The following CEP63 variants were observed in gnomAD, a reference collection of about 807,000 sequenced individuals.
CEP63 encodes the protein centrosomal protein 63, also known as centrosomal protein of 63 kDa.
Under a neutral mutation model 89.1 loss-of-function variants are expected in CEP63, and 84 were observed. The ratio of observed to expected loss-of-function variants is 0.94; its 90% CI spans 0.79 to 1.13. The LOEUF is 1.13. Ranked by LOEUF, CEP63 falls within the 50% of genes most tolerant of loss-of-function variation. The pLI is 0.00. For missense variants in CEP63, 838 were observed against 813.3 expected (o/e 1.03, Z -0.37); for synonymous variants, 267 against 272.5 (o/e 0.98, Z 0.20).
the CEP63 span, among the ~76,000 whole-genome samples, chr3:134,660,322 A>AAGG: frequency 6.6e-6 from 1 of 152,214 alleles, no homozygotes; most frequent in African/African-American, 2.4e-5. Flanking sequence ...GGGCTTTGAA[A>AAGG]AGGACTAAAT....
the CEP63 span, among the ~76,000 whole-genome samples, chr3:134,771,313 A>G: frequency 2.0e-5 from 3 of 152,242 alleles, no homozygotes; most frequent in African/African-American, 7.2e-5. Context: ...TTGCAGGGAC[A>G]TGGATGAAGC....
At chr3:134,576,992 G>C (rs530261303), downstream of CEP63, among the ~76,000 whole-genome samples, 3 of 152,260 alleles carry the variant, frequency 2.0e-5, no homozygotes, top group South Asian at 6.2e-4. Flanking sequence ...AGGCCAAACA[G>C]TAAAGTTTGT....
At chr3:134,603,444 G>A in the CEP63 span, 1 of 747,098 alleles carries the variant, frequency 1.3e-6, no homozygotes, top group Non-Finnish European at 2.2e-6. Context: ...TGGCAGAGGT[G>A]GGACACTGAG....
the CEP63 span, among the ~76,000 whole-genome samples, chr3:134,711,399 T>C: frequency 6.6e-6 from 1 of 152,204 alleles, no homozygotes; most frequent in East Asian, 1.9e-4. Context: ...CCTCTATGTT[T>C]CCTGGTTTCC....
intron 3 of CEP63, among the ~76,000 whole-genome samples, chr3:134,519,151 T>C (rs904435660): frequency 7.9e-5 from 12 of 151,640 alleles, no homozygotes; most frequent in Non-Finnish European, 1.6e-4. Context: ...TGAGATGGAG[T>C]CTCACTCTGT....
At chr3:134,577,461 G>C (rs1385754293), downstream of CEP63, among the ~76,000 whole-genome samples, 1 of 86,106 alleles carries the variant, frequency 1.2e-5, no homozygotes, top group Admixed American at 2.0e-4. Context: ...TTTTGAGATG[G>C]AGTCTGGCTG....
At chr3:134,645,369 C>G in the CEP63 span, among the ~76,000 whole-genome samples, 1 of 152,184 alleles carries the variant, frequency 6.6e-6, no homozygotes. Context: ...TGGATCCACC[C>G]CATGCTCAGC....
At chr3:134,657,549 C>A in the CEP63 span, among the ~76,000 whole-genome samples, 1 of 152,092 alleles carries the variant, frequency 6.6e-6, no homozygotes, top group African/African-American at 2.4e-5. Flanking sequence ...TTTATACTGA[C>A]GTGCCACAAT....
the CEP63 span, among the ~76,000 whole-genome samples, chr3:134,673,713 C>T: frequency 6.6e-6 from 1 of 152,148 alleles, no homozygotes; most frequent in South Asian, 2.1e-4. Flanking sequence ...TCAATTTAAT[C>T]CCTTCCCCAT....
At chr3:134,729,971 GA>G in the CEP63 span, among the ~76,000 whole-genome samples, 1 of 152,262 alleles carries the variant, frequency 6.6e-6, no homozygotes, top group East Asian at 1.9e-4. Flanking sequence ...TGCAAAAAAG[GA>G]ATGATGAGCT....
At chr3:134,600,760 G>C in the CEP63 span, 1 of 152,370 alleles carries the variant, frequency 6.6e-6, no homozygotes, top group South Asian at 2.1e-4. Context: ...TCTGTTTCAA[G>C]AAGTTATTTC....
chr3:134,632,299 C>T, the CEP63 span, among the ~76,000 whole-genome samples: 1 of 151,996 alleles, frequency 6.6e-6, no homozygotes, highest in Non-Finnish European at 1.5e-5. Context: ...CATCTAATAA[C>T]AGCACAACGC....
At chr3:134,771,194 A>G in the CEP63 span, among the ~76,000 whole-genome samples, 1 of 152,188 alleles carries the variant, frequency 6.6e-6, no homozygotes, top group Admixed American at 6.5e-5. Flanking sequence ...TACAGTGAAG[A>G]GAGTCTTTTC....
chr3:134,518,470 A>G (rs1946703545), intron 3 of CEP63, among the ~76,000 whole-genome samples: 2 of 152,254 alleles, frequency 1.3e-5, no homozygotes, highest in African/African-American at 4.8e-5. Flanking sequence ...TCTAGAACTC[A>G]GAACAATGAA....
the CEP63 span, among the ~76,000 whole-genome samples, chr3:134,697,457 A>G: frequency 7.9e-5 from 12 of 152,140 alleles, no homozygotes; most frequent in Non-Finnish European, 1.3e-4. Flanking sequence ...ATGCATGTAG[A>G]TGGGCTGTGT....
At position 134,546,140 on chromosome 3, in the gene CEP63, T is replaced by C. The variant is rs1011260344; in HGVS notation, c.790-9T>C. On this transcript the variant is annotated splice_polypyrimidine_tract_variant and intron_variant, in intron 7 of 14. Coordinates refer to ENST00000675561, the MANE Select transcript of CEP63 (RefSeq NM_001353108.3). ...AGGAAAATTATAATCATATTTGACT[T>C]TTTTGCAGGCTCTGCAGGAAGAAAA... 1.2e-6 allele frequency: 2 copies of C among 1,613,396 alleles called. No homozygotes were observed. Among genetic ancestry groups the C allele is most frequent in the African/African-American group, 2.7e-5 (2 of 74,870 alleles).
At chr3:134,660,716 T>C in the CEP63 span, among the ~76,000 whole-genome samples, 1 of 152,182 alleles carries the variant, frequency 6.6e-6, no homozygotes, top group Admixed American at 6.5e-5. Context: ...AGCTGGACTT[T>C]GGTGCAGTGA....
At chr3:134,669,025 C>CT in the CEP63 span, among the ~76,000 whole-genome samples, 63 of 148,186 alleles carry the variant, frequency 4.3e-4, 1 homozygote, top group East Asian at 4.1e-3. Flanking sequence ...CTTCTTCTTC[C>CT]TTTTTTTTTT....
At chr3:134,567,467 C>CA (rs61700362), downstream of CEP63, among the ~76,000 whole-genome samples, 117,730 of 134,026 alleles carry the variant, frequency 0.88, 52,223 homozygotes, top group Non-Finnish European at 0.94. Flanking sequence ...TCACTGTTAC[C>CA]AAAAAAAAAA....
Sources: gnomAD v4.1 joint callset for allele counts (sites outside exome capture counted in the v4.1 genomes callset) on GRCh38, gnomAD v4.1.1 for gene constraint, MANE v1.5 for transcripts, NCBI Gene and HGNC (gene_info 2026-07-23, HGNC 2026-07-21) for gene names.